The following LAMA2 variants were observed in gnomAD, a reference collection of about 807,000 sequenced individuals.
LAMA2 encodes laminin subunit alpha 2, also known as laminin subunit alpha-2.
LAMA2 carries 269 observed loss-of-function variants against 364.8 expected under a neutral mutation model. That is an observed-to-expected ratio of 0.74 (90% confidence interval 0.67 to 0.82). The LOEUF (loss-of-function observed/expected upper bound fraction) is 0.82, where lower values mean the gene tolerates loss of function less well. Ranked by LOEUF, LAMA2 falls within the 40% of genes least tolerant of loss-of-function variation. LAMA2 has a pLI of 0.00. For synonymous variants in LAMA2, 1,379 were observed against 1,370.6 expected (o/e 1.01, Z -0.14); for missense variants, 3,807 against 3,873.2 (o/e 0.98, Z 0.45).
chr6:129,199,508 A>C (rs572398554), intron 12 of LAMA2, among the ~76,000 whole-genome samples: 1 of 152,298 alleles, frequency 6.6e-6, no homozygotes, highest in African/African-American at 2.4e-5. Context: ...GTAGATAGGA[A>C]ATAAAATATA....
At chr6:129,425,564 T>C (rs1781287485) in intron 40 of LAMA2, among the ~76,000 whole-genome samples, 1 of 152,018 alleles carries the variant, frequency 6.6e-6, no homozygotes, top group Non-Finnish European at 1.5e-5. Flanking sequence ...GTTATTTTTC[T>C]CTGTTTCTCT....
chr6:129,487,997 C>T (rs540720916), intron 56 of LAMA2, among the ~76,000 whole-genome samples: 6 of 152,174 alleles, frequency 3.9e-5, no homozygotes, highest in South Asian at 4.1e-4. Flanking sequence ...CTTTTCATTG[C>T]GGAAAGGACT....
At chr6:128,990,481 TCAACTC>T (rs1246509875) in intron 1 of LAMA2, among the ~76,000 whole-genome samples, 1 of 152,210 alleles carries the variant, frequency 6.6e-6, no homozygotes, top group Non-Finnish European at 1.5e-5. Flanking sequence ...GTTCTGTGCT[TCAACTC>T]CCTATTATAA....
In LAMA2 at chr6:129,096,962, C is replaced by T. The variant is rs74843797; in HGVS notation, c.397-1211C>T. On this transcript the variant is annotated intron_variant, in intron 3 of 64. Transcript: ENST00000421865. The stretch of plus-strand genomic sequence containing the variant: ...ATACCATAGATCCTATACACGTATG[C>T]ATGAGTTACCATGTCAAAACTATGA... Among the ~76,000 whole-genome samples the T allele has an allele frequency of 5.1e-3, 776 of 152,276 alleles. 7 individuals carry two copies. Among genetic ancestry groups the T allele is most frequent in the Non-Finnish European group, 8.9e-3 (605 of 68,024 alleles).
intron 1 of LAMA2, chr6:128,929,635 AT>A: frequency 7.1e-7 from 1 of 1,411,628 alleles, no homozygotes; most frequent in Non-Finnish European, 1.0e-6. Context: ...CTGCTCAAAT[AT>A]GGAATAGTGA....
Position 128,895,902 on chromosome 6 carries a change from C to G in LAMA2, c.112+12545C>G, listed in dbSNP as rs1441714346. 2.6e-5 allele frequency among the ~76,000 whole-genome samples: 4 copies of G among 152,064 alleles called. No homozygotes were observed. The East Asian group carries it at 7.7e-4, about 29-fold the overall frequency. On this transcript the variant is annotated intron_variant, in intron 1 of 64. Coordinates refer to ENST00000421865, the MANE Select transcript of LAMA2 (RefSeq NM_000426.4). The stretch of plus-strand genomic sequence containing the variant: ...TAAAAGGTTTTGTAATGTTGAGAAC[C>G]TAAAACGTGATTCTTTTCTCTGTGC...
chr6:129,167,119 C>T (rs893703695), intron 9 of LAMA2, among the ~76,000 whole-genome samples: 1 of 152,058 alleles, frequency 6.6e-6, no homozygotes, highest in Non-Finnish European at 1.5e-5. Context: ...CCCAGTCTTA[C>T]TTCCAAATTT....
At chr6:128,918,373 G>A (rs1464079142) in intron 1 of LAMA2, among the ~76,000 whole-genome samples, 1 of 152,066 alleles carries the variant, frequency 6.6e-6, no homozygotes, top group Non-Finnish European at 1.5e-5. Context: ...TCATGGTTGT[G>A]TTTATCTGAA....
At chr6:129,050,115 GGC>G in intron 2 of LAMA2, 27 bp downstream of exon 2, 1 of 1,612,704 alleles carries the variant, frequency 6.2e-7, no homozygotes, top group Non-Finnish European at 8.5e-7. Context: ...GTAGGTGTGT[GGC>G]GCTGGGTAGG....
intron 48 of LAMA2, among the ~76,000 whole-genome samples, chr6:129,459,899 G>A (rs1197259222): frequency 1.3e-5 from 2 of 152,028 alleles, no homozygotes; most frequent in Non-Finnish European, 2.9e-5. Flanking sequence ...AAGGTCAGCA[G>A]CTCACCTAAA....
At chr6:128,951,443 C>T (rs778572788) in intron 1 of LAMA2, among the ~76,000 whole-genome samples, 32 of 152,060 alleles carry the variant, frequency 2.1e-4, no homozygotes, top group Non-Finnish European at 4.4e-4. Context: ...TGGGGACCCC[C>T]TTTAAGAGAA....
chr6:129,250,183 A>G lies in LAMA2; in HGVS notation c.1854A>G (p.Glu618=). 6.2e-7 allele frequency: 1 copy of G among 1,603,194 alleles called. No individual in the cohort carries two copies. The highest frequency in any genetic ancestry group is 1.7e-5 in the Admixed American group (1 of 60,012). The change falls in exon 13 of 65, where the codon GAA becomes GAG. Residue 618 remains glutamate (E), a synonymous_variant. Coordinates refer to ENST00000421865, the MANE Select transcript of LAMA2 (RefSeq NM_000426.4). ...YDLEEEEEDT[E]RVLQLMIILE... ...TTGAAGAAGAGGAAGAAGATACAGA[A>G]CGTGTTCTCCAGCTTATGATTATCT...
intron 34 of LAMA2, among the ~76,000 whole-genome samples, chr6:129,377,421 C>A (rs1778434268): frequency 6.6e-6 from 1 of 151,818 alleles, no homozygotes; most frequent in Non-Finnish European, 1.5e-5. Flanking sequence ...CAAGTCATAT[C>A]TTTTTGGTTT....
At chr6:129,374,876 T>TG (rs914387608) in intron 34 of LAMA2, among the ~76,000 whole-genome samples, 14 of 151,638 alleles carry the variant, frequency 9.2e-5, no homozygotes, top group African/African-American at 3.4e-4. Flanking sequence ...TGAGCCACCA[T>TG]GCCCAGCACT....
At chr6:129,499,524 T>A (rs533396833) in intron 58 of LAMA2, among the ~76,000 whole-genome samples, 64 of 152,322 alleles carry the variant, frequency 4.2e-4, no homozygotes, top group African/African-American at 1.4e-3. Context: ...AGTGACAAGA[T>A]CATTTTATTT....
chr6:129,032,429 T>C (rs1291121936), intron 1 of LAMA2, among the ~76,000 whole-genome samples: 1 of 152,094 alleles, frequency 6.6e-6, no homozygotes, highest in Non-Finnish European at 1.5e-5. Flanking sequence ...GGAAGGTATG[T>C]GAAGTGAAGG....
chr6:129,356,621 C>T (rs1435999199), intron 32 of LAMA2, among the ~76,000 whole-genome samples: 1 of 152,036 alleles, frequency 6.6e-6, no homozygotes, highest in African/African-American at 2.4e-5. Flanking sequence ...TCTATGCTGG[C>T]TACTGATAAA....
At chr6:129,122,652 T>C (rs1174176504) in intron 4 of LAMA2, among the ~76,000 whole-genome samples, 1 of 152,062 alleles carries the variant, frequency 6.6e-6, no homozygotes, top group African/African-American at 2.4e-5. Context: ...TGAACAGGGG[T>C]TGTGAAGGGC....
Position 129,147,050 on chromosome 6 carries a change from T to A in LAMA2, c.909+2T>A. 6.3e-7 allele frequency: 1 copy of A among 1,578,834 alleles called. No homozygotes were observed. Among genetic ancestry groups the A allele is most frequent in the Non-Finnish European group, 8.7e-7 (1 of 1,148,026 alleles). On this transcript the variant is annotated splice_donor_variant, in intron 6 of 64. Transcript: ENST00000421865. LOFTEE classifies it high-confidence loss of function. ...TGTCCACTTGATCCAGCGACAAATG[T>A]ATGTATATTTATAGGATGCTTAGGC...
Sources: allele counts gnomAD v4.1 joint callset (sites outside exome capture counted in the v4.1 genomes callset), GRCh38; gene constraint gnomAD v4.1.1; transcripts MANE v1.5; gene names NCBI Gene and HGNC (gene_info 2026-07-23, HGNC 2026-07-21).